Variants in PCDHA2 observed in about 807,000 individuals in gnomAD.
PCDHA2 encodes protocadherin alpha 2.
In PCDHA2, 58 loss-of-function variants were observed where a neutral mutation model predicts 66.0. That is an observed-to-expected ratio of 0.88 (90% CI 0.71 to 1.09). The LOEUF is 1.09. Ranked by LOEUF, PCDHA2 falls within the 50% of genes least tolerant of loss-of-function variation. PCDHA2 has a pLI of 0.00. For missense variants in PCDHA2, 1,267 were observed against 1,242.3 expected (o/e 1.02, Z -0.30); for synonymous variants, 634 against 554.0 (o/e 1.14, Z -2.03).
chr5:140,989,538 T>G (rs1254500205), intron 3 of PCDHA2, among the ~76,000 whole-genome samples: 3 of 152,180 alleles, frequency 2.0e-5, no homozygotes, highest in Non-Finnish European at 4.4e-5. Flanking sequence ...GAAGATAGTT[T>G]GTAATTCCTT....
chr5:140,902,140 G>A (rs1156661388), intron 1 of PCDHA2, among the ~76,000 whole-genome samples: 2 of 151,048 alleles, frequency 1.3e-5, no homozygotes, highest in African/African-American at 4.9e-5. Context: ...CTGCAAACAA[G>A]GATAATTTGA....
rs782641512 is a variant in PCDHA2 at position 140,857,970 on chromosome 5, C to T, written c.2388+60618C>T. The T allele has an allele frequency of 1.9e-5, 30 of 1,596,836 alleles. 3 individuals are homozygous for T. The highest frequency in any genetic ancestry group is 1.1e-4 in the African/African-American group (8 of 74,204). ...ACGCGCGCTCTGGATGAGACTGACT[C>T]GCCACGCCAGCGCCTACTGGTGCTG... On this transcript the variant is annotated intron_variant, in intron 1 of 3. Coordinates refer to ENST00000526136, the MANE Select transcript of PCDHA2 (RefSeq NM_018905.3).
intron 1 of PCDHA2, among the ~76,000 whole-genome samples, chr5:140,922,082 G>A (rs2080612980): frequency 6.6e-6 from 1 of 151,908 alleles, no homozygotes. Context: ...AGCAAAAAGT[G>A]GTATTTCTAC....
At chr5:140,952,111 G>A (rs1040553968) in intron 1 of PCDHA2, among the ~76,000 whole-genome samples, 1 of 152,086 alleles carries the variant, frequency 6.6e-6, no homozygotes, top group Non-Finnish European at 1.5e-5. Context: ...ACTCGTGTGA[G>A]GGATGGGCTC....
chr5:140,875,234 T>C, intron 1 of PCDHA2: 1 of 867,742 alleles, frequency 1.2e-6, no homozygotes. Context: ...ATCTTTCTTG[T>C]ACTTACATAA....
At chr5:140,833,751 A>AACACAC (rs34569136) in intron 1 of PCDHA2, among the ~76,000 whole-genome samples, 39 of 151,358 alleles carry the variant, frequency 2.6e-4, no homozygotes, top group Middle Eastern at 3.4e-3. Context: ...CTAAAAAGAA[A>AACACAC]ACACACACAC....
chr5:140,820,792 A>AGGT (rs1264996305), intron 1 of PCDHA2, among the ~76,000 whole-genome samples: 1 of 152,112 alleles, frequency 6.6e-6, no homozygotes, highest in Non-Finnish European at 1.5e-5. Context: ...GTAAGTACAA[A>AGGT]GGTATGTATT....
At chr5:140,870,370 GT>G in intron 1 of PCDHA2, 1 of 1,614,208 alleles carries the variant, frequency 6.2e-7, no homozygotes. Context: ...CTATGAACTG[GT>G]GGTGACTGCG....
At chr5:140,869,325 T>C in intron 1 of PCDHA2, 2 of 1,613,866 alleles carry the variant, frequency 1.2e-6, no homozygotes, top group Non-Finnish European at 1.7e-6. Flanking sequence ...ATGGGGACCT[T>C]CTGGAGGTAA....
intron 1 of PCDHA2, chr5:140,850,431 C>G: frequency 6.3e-7 from 1 of 1,597,912 alleles, no homozygotes; most frequent in Non-Finnish European, 8.6e-7. Flanking sequence ...ACCGCGCCAG[C>G]GCCTACTGGT....
At chr5:140,820,720 G>A (rs1397690917) in intron 1 of PCDHA2, among the ~76,000 whole-genome samples, 1 of 151,938 alleles carries the variant, frequency 6.6e-6, no homozygotes, top group East Asian at 1.9e-4. Flanking sequence ...ATATTTACTG[G>A]AACCTAAACA....
Position 140,841,349 on chromosome 5 carries a change from G to A in PCDHA2, c.2388+43997G>A, listed in dbSNP as rs2150314039. The A allele has an allele frequency of 5.3e-5, 86 of 1,612,662 alleles. 1 individual carries two copies. In the East Asian group the frequency reaches 1.9e-3, roughly 36 times the overall value. On this transcript the variant is annotated intron_variant, in intron 1 of 3. Coordinates refer to ENST00000526136, the MANE Select transcript of PCDHA2 (RefSeq NM_018905.3). ...GGATTATCACTGGCGAGGAGAGCTG[G>A]GATCCTGGCGACTACTACTCTTGCT...
At chr5:140,844,621 A>C (rs1357757740) in intron 1 of PCDHA2, among the ~76,000 whole-genome samples, 5 of 149,558 alleles carry the variant, frequency 3.3e-5, no homozygotes, top group African/African-American at 9.8e-5. Context: ...TGTTTTCATC[A>C]GAAAAACTAT....
chr5:140,833,558 A>G (rs1329947053), intron 1 of PCDHA2, among the ~76,000 whole-genome samples: 1 of 152,224 alleles, frequency 6.6e-6, no homozygotes, highest in African/African-American at 2.4e-5. Context: ...TGAGGAAACA[A>G]ATATAAAATG....
At chr5:140,967,320 A>G in intron 1 of PCDHA2, 6 of 1,609,774 alleles carry the variant, frequency 3.7e-6, no homozygotes, top group Non-Finnish European at 5.1e-6. Context: ...GTACAGACCT[A>G]CGAGCTCAGC....
rs782449567 is a variant in PCDHA2, at chr5:140,928,010, G to T, written c.2389-50939G>T. 4.3e-6 allele frequency: 7 copies of T among 1,614,168 alleles called. No individual in the cohort carries two copies. In the South Asian group the frequency reaches 6.6e-5, roughly 15 times the overall value. On this transcript the variant is annotated intron_variant, in intron 1 of 3. Coordinates refer to ENST00000526136, the MANE Select transcript of PCDHA2 (RefSeq NM_018905.3). Reference sequence around the variant, plus strand: ...AAGGATGAAGACCTCGATTCTAATGGTAGGGTCATTTGTGGCATGTCTAGT... The same window carrying T: ...AAGGATGAAGACCTCGATTCTAATGTTAGGGTCATTTGTGGCATGTCTAGT...
chr5:140,928,846 C>T, intron 1 of PCDHA2: 1 of 1,614,192 alleles, frequency 6.2e-7, no homozygotes, highest in Non-Finnish European at 8.5e-7. Context: ...CTCTGTCACT[C>T]TGGGTGTGCT....
Position 140,883,886 on chromosome 5 carries a change from T to G in PCDHA2, c.2388+86534T>G, listed in dbSNP as rs147704126. ...GCAGTTCCAGGTGAGCGCGCGCGAC[T>G]CTGGCGTGCCGCCTCTGGGCAGCAA... On this transcript the variant is annotated intron_variant, in intron 1 of 3. Transcript: ENST00000526136. The G allele has an allele frequency of 2.5e-5, 41 of 1,613,036 alleles. No homozygotes were observed. The African/African-American group carries it at 2.7e-4, about 11-fold the overall frequency.
chr5:141,003,452 C>G (rs1554259072), intron 3 of PCDHA2, among the ~76,000 whole-genome samples: 1 of 152,112 alleles, frequency 6.6e-6, no homozygotes, highest in Non-Finnish European at 1.5e-5. Flanking sequence ...GATGAAATTA[C>G]AGGCGTGCAC....
Sources: allele counts gnomAD v4.1 joint callset (sites outside exome capture counted in the v4.1 genomes callset), GRCh38; gene constraint gnomAD v4.1.1; transcripts MANE v1.5; gene names NCBI Gene and HGNC (gene_info 2026-07-23, HGNC 2026-07-21).